The following TPRG1 variants were observed in gnomAD, a reference collection of about 807,000 sequenced individuals.
The protein encoded by TPRG1 is tumor protein p63 regulated 1.
A neutral mutation model predicts 29.3 loss-of-function variants in TPRG1; 29 were observed. That is an observed-to-expected ratio of 0.99 (90% CI 0.74 to 1.35). The LOEUF (loss-of-function observed/expected upper bound fraction) is 1.35, where lower values mean the gene tolerates loss of function less well. TPRG1 is among the 40% of genes most tolerant of loss of function. TPRG1 has a pLI of 0.00. For missense variants in TPRG1, 327 were observed against 335.0 expected, an observed-to-expected ratio of 0.98 and a Z score of 0.19; for synonymous variants, 130 against 116.8, an observed-to-expected ratio of 1.11 and a Z score of -0.73.
intron 1 of TPRG1, among the ~76,000 whole-genome samples, chr3:189,119,309 A>C (rs1391334604): frequency 6.6e-6 from 1 of 152,198 alleles, no homozygotes. Flanking sequence ...CATTGTATCT[A>C]GGAAGTCACT....
intron 1 of TPRG1, among the ~76,000 whole-genome samples, chr3:189,176,285 T>C (rs909446644): frequency 1.3e-5 from 2 of 152,250 alleles, no homozygotes; most frequent in Admixed American, 6.5e-5. Context: ...TAAAATGAGG[T>C]GTTTGAACAA....
intron 4 of TPRG1, among the ~76,000 whole-genome samples, chr3:189,078,046 T>C (rs1334530875): frequency 4.2e-4 from 62 of 149,140 alleles, no homozygotes; most frequent in African/African-American, 1.5e-3. Flanking sequence ...CTTCCTTCCT[T>C]CCTTCCTTCC....
chr3:189,314,730 TTATATC>T (rs1400721058), intron 5 of TPRG1, among the ~76,000 whole-genome samples: 6 of 152,208 alleles, frequency 3.9e-5, no homozygotes, highest in African/African-American at 1.2e-4. Context: ...TAGTTATACT[TTATATC>T]TATTGATTAC....
intron 2 of TPRG1, among the ~76,000 whole-genome samples, chr3:189,209,136 C>G (rs1263978183): frequency 6.6e-6 from 1 of 152,190 alleles, no homozygotes; most frequent in Non-Finnish European, 1.5e-5. Context: ...GCTTTCATTA[C>G]TGAGCTACAC....
intron 3 of TPRG1, among the ~76,000 whole-genome samples, chr3:189,021,482 C>G (rs1713305641): frequency 6.6e-6 from 1 of 152,038 alleles, no homozygotes; most frequent in African/African-American, 2.4e-5. Flanking sequence ...ATTTCTCCTT[C>G]ACTTATGAAG....
At chr3:189,102,840 C>T (rs1719363706) in intron 1 of TPRG1, among the ~76,000 whole-genome samples, 2 of 152,106 alleles carry the variant, frequency 1.3e-5, no homozygotes, top group Non-Finnish European at 2.9e-5. Flanking sequence ...ACTTATTTTG[C>T]CCAATCATGG....
At chr3:189,102,374 C>T (rs1248522558) in intron 1 of TPRG1, among the ~76,000 whole-genome samples, 1 of 152,230 alleles carries the variant, frequency 6.6e-6, no homozygotes, top group Non-Finnish European at 1.5e-5. Context: ...CCACAGGCAT[C>T]TCACACACAA....
At chr3:189,239,675 A>T (rs1450122) in intron 4 of TPRG1, among the ~76,000 whole-genome samples, 35,191 of 152,076 alleles carry the variant, frequency 0.23, 4,746 homozygotes, top group African/African-American at 0.37. Context: ...AGCTAAAAAG[A>T]GTAATGCCTC....
chr3:189,064,298 C>T (rs1716295621), intron 4 of TPRG1, among the ~76,000 whole-genome samples: 1 of 152,036 alleles, frequency 6.6e-6, no homozygotes, highest in Non-Finnish European at 1.5e-5. Context: ...TTAAAGCATT[C>T]CTAGAAGTTA....
intron 1 of TPRG1, among the ~76,000 whole-genome samples, chr3:189,173,088 G>A (rs1729020150): frequency 6.6e-6 from 1 of 152,094 alleles, no homozygotes; most frequent in Non-Finnish European, 1.5e-5. Context: ...CAGTTATTAT[G>A]TAGTTTACTT....
At chr3:188,998,713 C>T (rs1252670519) in intron 1 of TPRG1, among the ~76,000 whole-genome samples, 2 of 152,060 alleles carry the variant, frequency 1.3e-5, no homozygotes, top group Non-Finnish European at 2.9e-5. Context: ...AAGTGATAAG[C>T]CAGGCCCACA....
At chr3:189,151,407 A>G (rs1246293298) in intron 5 of TPRG1, among the ~76,000 whole-genome samples, 2 of 152,158 alleles carry the variant, frequency 1.3e-5, no homozygotes, top group Non-Finnish European at 2.9e-5. Context: ...GGAGACACAA[A>G]TTTGACCCTA....
intron 4 of TPRG1, among the ~76,000 whole-genome samples, chr3:189,260,197 C>T (rs1240270604): frequency 1.3e-5 from 2 of 152,032 alleles, no homozygotes; most frequent in Non-Finnish European, 2.9e-5. Flanking sequence ...TCTTATTGGT[C>T]TGTGTTGAGG....
chr3:189,252,441 G>A (rs1259676772), intron 4 of TPRG1, among the ~76,000 whole-genome samples: 1 of 152,088 alleles, frequency 6.6e-6, no homozygotes, highest in African/African-American at 2.4e-5. Context: ...TTTTGTTATT[G>A]TCGCTTTTCT....
intron 4 of TPRG1, among the ~76,000 whole-genome samples, chr3:189,053,205 GC>G (rs1715441898): frequency 1.3e-5 from 2 of 152,158 alleles, no homozygotes. Context: ...TAGGAAGACA[GC>G]TTTTTTCTTT....
At chr3:189,230,013 C>A (rs1485497640) in intron 3 of TPRG1, among the ~76,000 whole-genome samples, 1 of 152,150 alleles carries the variant, frequency 6.6e-6, no homozygotes, top group Non-Finnish European at 1.5e-5. Flanking sequence ...TGTTCTCCTG[C>A]CAGCTTCCTT....
intron 3 of TPRG1, among the ~76,000 whole-genome samples, chr3:189,016,079 A>G (rs1178233949): frequency 6.6e-6 from 1 of 152,084 alleles, no homozygotes; most frequent in Non-Finnish European, 1.5e-5. Flanking sequence ...ACTCAATAAC[A>G]GCCTGTGAAA....
intron 4 of TPRG1, among the ~76,000 whole-genome samples, chr3:189,241,934 C>T (rs960682564): frequency 1.3e-5 from 2 of 152,104 alleles, no homozygotes; most frequent in African/African-American, 4.8e-5. Flanking sequence ...TCTTTATCAG[C>T]AGTGTGAAAC....
At chr3:189,112,655 C>A (rs539100974) in intron 1 of TPRG1, among the ~76,000 whole-genome samples, 1 of 152,014 alleles carries the variant, frequency 6.6e-6, no homozygotes, top group Admixed American at 6.5e-5. Context: ...TTGCTTGTTT[C>A]TCTCAGGTTT....
Sources: gnomAD v4.1 joint callset for allele counts (sites outside exome capture counted in the v4.1 genomes callset) on GRCh38, gnomAD v4.1.1 for gene constraint, MANE v1.5 for transcripts, NCBI Gene and HGNC (gene_info 2026-07-23, HGNC 2026-07-21) for gene names.